Variants in GABRG3 observed in about 807,000 individuals in gnomAD.
GABRG3 encodes gamma-aminobutyric acid receptor subunit gamma-3.
In GABRG3, 25 loss-of-function variants were observed where a neutral mutation model predicts 48.8. The observed-to-expected ratio is 0.51, with a 90% CI of 0.37 to 0.72. The LOEUF (loss-of-function observed/expected upper bound fraction) is 0.72, where lower values mean the gene tolerates loss of function less well. Ranked by LOEUF, GABRG3 falls within the 30% of genes least tolerant of loss-of-function variation. GABRG3 has a pLI of 0.00. For synonymous variants in GABRG3, 227 were observed against 217.6 expected, an observed-to-expected ratio of 1.04 and a Z score of -0.38; for missense variants, 394 against 577.9, an observed-to-expected ratio of 0.68 and a Z score of 3.26.
At chr15:27,197,096 C>G (rs866084465) in intron 3 of GABRG3, among the ~76,000 whole-genome samples, 1 of 152,138 alleles carries the variant, frequency 6.6e-6, no homozygotes, top group African/African-American at 2.4e-5. Flanking sequence ...CAGATATCTA[C>G]AGATAGGCCC....
chr15:27,515,395 A>G (rs1286002086), intron 6 of GABRG3, among the ~76,000 whole-genome samples: 1 of 152,102 alleles, frequency 6.6e-6, no homozygotes, highest in Non-Finnish European at 1.5e-5. Flanking sequence ...GACCGGCTGG[A>G]ACTTCTTTTT....
intron 2 of GABRG3, among the ~76,000 whole-genome samples, chr15:27,021,087 CA>C (rs1895885237): frequency 6.6e-6 from 1 of 151,996 alleles, no homozygotes; most frequent in Non-Finnish European, 1.5e-5. Flanking sequence ...ATATTTAAGG[CA>C]ATGGATATTC....
chr15:27,470,905 GT>G (rs143821958), intron 5 of GABRG3, among the ~76,000 whole-genome samples: 9 of 119,784 alleles, frequency 7.5e-5, no homozygotes, highest in African/African-American at 3.4e-4. Context: ...GTATATGGCT[GT>G]TTTTTTTGTT....
intron 3 of GABRG3, among the ~76,000 whole-genome samples, chr15:27,216,740 T>TTTTTA (rs1484399830): frequency 2.0e-3 from 254 of 127,184 alleles, no homozygotes; most frequent in East Asian, 5.1e-3. Flanking sequence ...TTTCTTTTTT[T>TTTTTA]TTTTTTATTT....
chr15:26,971,632 C>A (rs1232915836), intron 1 of GABRG3, 44 bp downstream of exon 1: 1 of 1,513,934 alleles, frequency 6.6e-7, no homozygotes, highest in Admixed American at 2.1e-5. Context: ...CCGAGCTGGG[C>A]GACAGGGCGG....
intron 3 of GABRG3, among the ~76,000 whole-genome samples, chr15:27,036,132 A>G (rs1407017994): frequency 1.3e-5 from 2 of 152,232 alleles, no homozygotes; most frequent in Non-Finnish European, 1.5e-5. Context: ...GAGGTAAGAC[A>G]TCGAATAAAC....
chr15:27,438,217 G>A (rs564761534), intron 5 of GABRG3, among the ~76,000 whole-genome samples: 9 of 152,266 alleles, frequency 5.9e-5, no homozygotes, highest in East Asian at 1.9e-4. Flanking sequence ...TGAAAATAGC[G>A]TGGGATTATT....
At chr15:27,303,464 T>A (rs913216945) in intron 3 of GABRG3, among the ~76,000 whole-genome samples, 60 of 151,924 alleles carry the variant, frequency 3.9e-4, no homozygotes, top group African/African-American at 1.4e-3. Flanking sequence ...TTTAAAAAAA[T>A]GTTTTAAAAA....
chr15:27,041,752 G>A (rs533909388), intron 3 of GABRG3, among the ~76,000 whole-genome samples: 2 of 152,144 alleles, frequency 1.3e-5, no homozygotes, highest in Non-Finnish European at 2.9e-5. Context: ...CAGATGTGTT[G>A]GCCAGGTGAT....
intron 3 of GABRG3, among the ~76,000 whole-genome samples, chr15:27,239,964 A>G (rs992070882): frequency 3.3e-5 from 5 of 152,236 alleles, no homozygotes; most frequent in African/African-American, 4.8e-5. Context: ...TTATTATAAT[A>G]CTAGTAATGA....
intron 3 of GABRG3, among the ~76,000 whole-genome samples, chr15:27,195,606 C>T (rs553739931): frequency 2.0e-4 from 30 of 152,130 alleles, no homozygotes; most frequent in African/African-American, 7.0e-4. Flanking sequence ...CTGGGTGAGC[C>T]ACCATGCCTG....
intron 5 of GABRG3, among the ~76,000 whole-genome samples, chr15:27,374,246 C>T (rs1045437469): frequency 6.7e-6 from 1 of 150,048 alleles, no homozygotes. Flanking sequence ...GATCCCCCCA[C>T]AACAGCCTCC....
chr15:27,080,194 T>C (rs2140743396), intron 3 of GABRG3, among the ~76,000 whole-genome samples: 1 of 152,254 alleles, frequency 6.6e-6, no homozygotes, highest in East Asian at 1.9e-4. Flanking sequence ...CATGCACCTG[T>C]AGTCCCAGCT....
chr15:27,122,420 A>C (rs1173648098), intron 3 of GABRG3, among the ~76,000 whole-genome samples: 2 of 152,252 alleles, frequency 1.3e-5, no homozygotes. Context: ...AGTGAAGCAA[A>C]GAAACATGAA....
At position 27,313,258 on chromosome 15, in the gene GABRG3, GTGTGTATATATATA is replaced by G. The variant is rs1209675411; in HGVS notation, c.271-13549_271-13536del. 2.3e-3 allele frequency among the ~76,000 whole-genome samples: 120 copies of G among 53,032 alleles called. 1 individual carries two copies. The highest frequency in any genetic ancestry group is 0.01 in the African/African-American group (114 of 11,030). 34.8% of individuals were successfully genotyped at this position (53,032 alleles called of 152,430 possible). ...TGTATATATGTGTGTGTGTGTGTGT[GTGTGTATATATATA>G]TATATATATATATATATATATATAT... On this transcript the variant is annotated intron_variant, in intron 3 of 9. Transcript: ENST00000615808.
rs1341882057 is a variant in GABRG3 at position 27,179,676 on chromosome 15, G to A, written c.271-147133G>A. On this transcript the variant is annotated intron_variant, in intron 3 of 9. Transcript: ENST00000615808. This position sits in a 1 kb window ranked among gnomAD's most constrained non-coding sequence, Gnocchi z 4.0. Reference sequence around the variant, plus strand: ...GTCCTGCCGGGGGTCCATTCATCTTGTATCTTCAGAAGTTTTGTTTGATTC... The same window carrying A: ...GTCCTGCCGGGGGTCCATTCATCTTATATCTTCAGAAGTTTTGTTTGATTC... Among the ~76,000 whole-genome samples, 7 of 152,106 alleles carry A rather than the reference G, an allele frequency of 4.6e-5. No homozygotes were observed. The highest frequency in any genetic ancestry group is 1.7e-4 in the African/African-American group (7 of 41,430).
At chr15:27,294,238 T>A (rs1891901088) in intron 3 of GABRG3, among the ~76,000 whole-genome samples, 1 of 150,680 alleles carries the variant, frequency 6.6e-6, no homozygotes, top group Non-Finnish European at 1.5e-5. Context: ...TTTTTTTTTT[T>A]TTTTGAGACA....
intron 5 of GABRG3, among the ~76,000 whole-genome samples, chr15:27,336,369 A>G (rs1232382843): frequency 1.3e-5 from 2 of 151,940 alleles, no homozygotes; most frequent in East Asian, 3.8e-4. Flanking sequence ...GGTGAGAGAC[A>G]TAGTCATTTG....
chr15:27,273,757 C>G (rs1437754562), intron 3 of GABRG3, among the ~76,000 whole-genome samples: 1 of 152,190 alleles, frequency 6.6e-6, no homozygotes, highest in Non-Finnish European at 1.5e-5. Context: ...ATGACTGAAA[C>G]ATTTTCCCGA....
Sources: gnomAD v4.1 joint callset for allele counts (sites outside exome capture counted in the v4.1 genomes callset) on GRCh38, gnomAD v4.1.1 for gene constraint, Gnocchi (gnomAD v3.1) non-coding constraint, MANE v1.5 for transcripts, NCBI Gene and HGNC (gene_info 2026-07-23, HGNC 2026-07-21) for gene names.